Variants in GRIK3 observed in about 807,000 individuals in gnomAD.
GRIK3 encodes the protein glutamate ionotropic receptor kainate type subunit 3, also known as glutamate receptor ionotropic, kainate 3.
In GRIK3, 29 loss-of-function variants were observed where a neutral mutation model predicts 102.5. That is an observed-to-expected ratio of 0.28 (90% CI 0.21 to 0.39). The LOEUF is 0.39. Among genes scored for constraint, GRIK3 ranks in the 10% least tolerant of loss-of-function variants. The pLI is 1.00. For missense variants in GRIK3, 908 were observed against 1,252.4 expected, an observed-to-expected ratio of 0.73 and a Z score of 4.15; for synonymous variants, 511 against 504.9, an observed-to-expected ratio of 1.01 and a Z score of -0.16.
chr1:36,890,191 A>G (rs550546), intron 2 of GRIK3, among the ~76,000 whole-genome samples: 6,793 of 152,226 alleles, frequency 0.045, 408 homozygotes, highest in African/African-American at 0.13. Context: ...CAGAATGGCC[A>G]GGCACAGTGG....
intron 2 of GRIK3, among the ~76,000 whole-genome samples, chr1:36,890,122 G>A (rs1641097921): frequency 1.3e-5 from 2 of 152,104 alleles, no homozygotes; most frequent in South Asian, 4.2e-4. Context: ...CCAGGGTGGG[G>A]CACCTCTTGT....
rs776125921 is a variant in GRIK3 at position 36,891,109 on chromosome 1, A to G, written c.116-13T>C. On this transcript the variant is annotated splice_polypyrimidine_tract_variant and intron_variant, in intron 1 of 15. Coordinates refer to ENST00000373091, the MANE Select transcript of GRIK3 (RefSeq NM_000831.4). ...TCGAAGATTCCTCCTGTGAAAGATG[A>G]GTAAAATTGTGTGTGGTTGGGAGGA... 25 of 1,603,006 alleles carry G rather than the reference A, an allele frequency of 1.6e-5. No individual in the cohort carries two copies. Among genetic ancestry groups the G allele is most frequent in the Middle Eastern group, 1.7e-4 (1 of 6,014 alleles).
chr1:36,803,985 C>T (rs1642471074), intron 15 of GRIK3, among the ~76,000 whole-genome samples: 1 of 152,206 alleles, frequency 6.6e-6, no homozygotes, highest in Non-Finnish European at 1.5e-5. Context: ...TGTATGGATG[C>T]TGTGGAAGAC....
intron 1 of GRIK3, among the ~76,000 whole-genome samples, chr1:36,907,836 G>A (rs1275042997): frequency 6.6e-6 from 1 of 152,118 alleles, no homozygotes; most frequent in Non-Finnish European, 1.5e-5. Flanking sequence ...TGGGTTCTAG[G>A]CACAGGCAGA....
At chr1:36,951,542 C>A (rs933940577) in intron 1 of GRIK3, among the ~76,000 whole-genome samples, 2 of 152,208 alleles carry the variant, frequency 1.3e-5, no homozygotes, top group African/African-American at 4.8e-5. Flanking sequence ...CTACTTATGT[C>A]GAACTGGCAA....
In GRIK3 at chr1:36,860,033, T is replaced by G. The variant is rs911483698; in HGVS notation, c.787-16A>C. ...CGTAGAGATCCTGGATAGAGAGAGG[T>G]CTGTGTAAACCAAGGCATGCTCACT... On this transcript the variant is annotated splice_polypyrimidine_tract_variant and intron_variant, in intron 5 of 15. Transcript: ENST00000373091. 3.2e-6 allele frequency: 5 copies of G among 1,560,470 alleles called. No homozygotes were observed. In the African/African-American group the frequency reaches 4.1e-5, roughly 13 times the overall value.
intron 13 of GRIK3, among the ~76,000 whole-genome samples, chr1:36,816,392 C>A (rs1041859830): frequency 6.6e-6 from 1 of 152,124 alleles, no homozygotes; most frequent in Admixed American, 6.5e-5. Context: ...GTTCTCAGGG[C>A]CAGCCAGAGT....
chr1:36,831,710 C>T (rs887945940), intron 10 of GRIK3, among the ~76,000 whole-genome samples: 3 of 152,236 alleles, frequency 2.0e-5, no homozygotes, highest in Admixed American at 2.0e-4. Flanking sequence ...CCACACATGG[C>T]TGTCAAGCAT....
intron 13 of GRIK3, among the ~76,000 whole-genome samples, chr1:36,808,457 G>A (rs1338592412): frequency 6.6e-6 from 1 of 152,198 alleles, no homozygotes; most frequent in African/African-American, 2.4e-5. Flanking sequence ...TCTCTGGCTC[G>A]TCTCACTCTG....
chr1:36,822,542 A>G (rs1329596139), intron 11 of GRIK3, among the ~76,000 whole-genome samples: 2 of 152,104 alleles, frequency 1.3e-5, no homozygotes, highest in African/African-American at 4.8e-5. Context: ...CAGATCTTGG[A>G]TTTGTAGCTT....
chr1:36,816,472 A>G (rs933875950), intron 13 of GRIK3, among the ~76,000 whole-genome samples: 3 of 152,238 alleles, frequency 2.0e-5, no homozygotes, highest in Non-Finnish European at 2.9e-5. Context: ...TTCACAGAGC[A>G]GGAGGAGCAA....
In GRIK3 at chr1:36,914,711, T is replaced by A. The variant is rs116548799; in HGVS notation, c.116-23615A>T. On this transcript the variant is annotated intron_variant, in intron 1 of 15. Transcript: ENST00000373091. ...AAAGTACAACGGTGAAACTATTTGA[T>A]CTACTCAGCCCAACGGGCCCCACCA... Among the ~76,000 whole-genome samples the A allele has an allele frequency of 5.2e-3, 799 of 152,308 alleles. 6 individuals are homozygous for A. The highest frequency in any genetic ancestry group is 0.018 in the African/African-American group (761 of 41,552).
intron 4 of GRIK3, among the ~76,000 whole-genome samples, chr1:36,870,275 T>C (rs1640829228): frequency 6.7e-6 from 1 of 149,010 alleles, no homozygotes; most frequent in Non-Finnish European, 1.5e-5. Flanking sequence ...AGCTGGGAGG[T>C]CTGTCTTCAG....
chr1:36,844,248 G>C (rs1640494371), intron 9 of GRIK3, among the ~76,000 whole-genome samples: 1 of 152,188 alleles, frequency 6.6e-6, no homozygotes, highest in Admixed American at 6.5e-5. Flanking sequence ...AGTCTAACTG[G>C]GTAGGAAGCT....
intron 7 of GRIK3, among the ~76,000 whole-genome samples, chr1:36,857,272 C>T (rs1474069158): frequency 6.6e-6 from 1 of 152,150 alleles, no homozygotes; most frequent in African/African-American, 2.4e-5. Context: ...ACAGTGGCTG[C>T]TCAGCTGGAG....
At chr1:36,841,616 C>T in intron 10 of GRIK3, 120 bp downstream of exon 10, 1 of 814,818 alleles carries the variant, frequency 1.2e-6, no homozygotes, top group East Asian at 2.5e-5. Flanking sequence ...CAGCATTCAT[C>T]TCCATCACTC....
intron 10 of GRIK3, among the ~76,000 whole-genome samples, chr1:36,837,399 G>T (rs560748646): frequency 2.0e-5 from 3 of 152,080 alleles, no homozygotes; most frequent in African/African-American, 4.8e-5. Context: ...TGCCCTGTCC[G>T]CAACTCCTCG....
At chr1:36,931,908 C>T (rs1405085407) in intron 1 of GRIK3, among the ~76,000 whole-genome samples, 1 of 152,192 alleles carries the variant, frequency 6.6e-6, no homozygotes, top group Non-Finnish European at 1.5e-5. Flanking sequence ...TCACATTTTT[C>T]TCCTTGCTGA....
intron 2 of GRIK3, among the ~76,000 whole-genome samples, chr1:36,887,149 G>A (rs1409845007): frequency 6.6e-6 from 1 of 152,104 alleles, no homozygotes; most frequent in Non-Finnish European, 1.5e-5. Flanking sequence ...GAAAAAATAA[G>A]CCCAAACCCC....
Sources: gnomAD v4.1 joint callset for allele counts (sites outside exome capture counted in the v4.1 genomes callset) on GRCh38, gnomAD v4.1.1 for gene constraint, MANE v1.5 for transcripts, NCBI Gene and HGNC (gene_info 2026-07-23, HGNC 2026-07-21) for gene names.